PCDHA1: variants seen among roughly 807,000 people sequenced by gnomAD.
PCDHA1 encodes the protein protocadherin alpha 1.
PCDHA1 carries 42 observed loss-of-function variants against 61.3 expected under a neutral mutation model. The ratio of observed to expected loss-of-function variants is 0.69; its 90% CI spans 0.54 to 0.89. PCDHA1 has a LOEUF of 0.89. Among genes scored for constraint, PCDHA1 ranks in the 40% least tolerant of loss-of-function variants. The probability of loss-of-function intolerance (pLI) is 0.00; values close to 1 mark genes in which losing one functional copy is unlikely to be tolerated. For synonymous variants in PCDHA1, 610 were observed against 553.8 expected (o/e 1.10, Z -1.43); for missense variants, 1,256 against 1,235.3 (o/e 1.02, Z -0.25).
intron 1 of PCDHA1, chr5:140,968,853 A>G (rs782470050): frequency 3.7e-6 from 6 of 1,614,108 alleles, no homozygotes; most frequent in Non-Finnish European, 4.2e-6. Context: ...AGGCATGTTA[A>G]GAGCCCTCGG....
At position 140,836,068 on chromosome 5, in the gene PCDHA1, C is replaced by T. The variant is rs2150251885; in HGVS notation, c.2394+47384C>T. 8.1e-6 allele frequency: 13 copies of T among 1,613,540 alleles called. No individual in the cohort carries two copies. The highest frequency in any genetic ancestry group is 1.6e-4 in the Middle Eastern group (1 of 6,084). ...TTCGTGCTGGACGAGAACGACAACG[C>T]GCCGGCACTGCTGGCGCCTCGGGTG... On this transcript the variant is annotated intron_variant, in intron 1 of 3. Coordinates refer to ENST00000504120, the MANE Select transcript of PCDHA1 (RefSeq NM_018900.4).
At chr5:140,966,747 C>T (rs2096048243) in intron 1 of PCDHA1, 3 of 1,426,904 alleles carry the variant, frequency 2.1e-6, no homozygotes, top group Admixed American at 5.5e-5. Flanking sequence ...GCCCGGCTGC[C>T]TCCGCCGCGG....
rs781952003 is a variant in PCDHA1 at position 140,795,861 on chromosome 5, A to G, written c.2394+7177A>G. On this transcript the variant is annotated intron_variant, in intron 1 of 3. Coordinates refer to ENST00000504120, the MANE Select transcript of PCDHA1 (RefSeq NM_018900.4). ...CTAAGTTTACCATAGATCCCATCTC[A>G]GGGGAAATCAGAACTAAGGGAAAAT... 5.6e-6 allele frequency: 9 copies of G among 1,613,840 alleles called. No individual in the cohort carries two copies. The African/African-American group carries it at 1.2e-4, about 22-fold the overall frequency.
chr5:140,994,377 G>C (rs1260163825), intron 3 of PCDHA1, among the ~76,000 whole-genome samples: 3 of 152,098 alleles, frequency 2.0e-5, no homozygotes, highest in Non-Finnish European at 4.4e-5. Context: ...GGAAATTCAG[G>C]GGACTAAGTC....
intron 1 of PCDHA1, chr5:140,863,533 G>A: frequency 2.6e-6 from 1 of 389,860 alleles, no homozygotes; most frequent in Non-Finnish European, 5.0e-6. Flanking sequence ...TTCAGATTTT[G>A]GAGATGGACT....
At position 140,834,754 on chromosome 5, in the gene PCDHA1, A is replaced by G. The variant is rs2150225554; in HGVS notation, c.2394+46070A>G. 43 of 1,614,038 alleles carry G rather than the reference A, an allele frequency of 2.7e-5. 1 individual carries two copies. The South Asian group carries it at 3.7e-4, about 14-fold the overall frequency. Reference sequence around the variant, plus strand: ...GTTTTCCATGTGGACGTGGAGGTGAAGGACATTAACGACAACCCTCCGGTG... The same window carrying G: ...GTTTTCCATGTGGACGTGGAGGTGAGGGACATTAACGACAACCCTCCGGTG... On this transcript the variant is annotated intron_variant, in intron 1 of 3. Coordinates refer to ENST00000504120, the MANE Select transcript of PCDHA1 (RefSeq NM_018900.4).
chr5:140,927,209 A>G, intron 1 of PCDHA1: 2 of 1,614,092 alleles, frequency 1.2e-6, no homozygotes, highest in Non-Finnish European at 1.7e-6. Context: ...GACCCGCTGG[A>G]GCTGCACAAG....
intron 1 of PCDHA1, among the ~76,000 whole-genome samples, chr5:140,799,800 G>A (rs1462237906): frequency 6.6e-6 from 1 of 152,002 alleles, no homozygotes; most frequent in Non-Finnish European, 1.5e-5. Context: ...TCACATGTTT[G>A]ATTTCATTTT....
chr5:141,001,910 C>T (rs1365182561), intron 3 of PCDHA1, among the ~76,000 whole-genome samples: 1 of 152,196 alleles, frequency 6.6e-6, no homozygotes, highest in Non-Finnish European at 1.5e-5. Flanking sequence ...TTGAAAAAGA[C>T]TGCAGTGGCT....
intron 3 of PCDHA1, among the ~76,000 whole-genome samples, chr5:141,005,934 G>A (rs556608068): frequency 3.4e-4 from 52 of 151,912 alleles, no homozygotes; most frequent in Non-Finnish European, 7.2e-4. Context: ...TTGACAGAGT[G>A]AGAACCTATC....
intron 1 of PCDHA1, chr5:140,854,002 A>G: frequency 2.5e-6 from 1 of 395,852 alleles, no homozygotes; most frequent in Non-Finnish European, 3.5e-6. Flanking sequence ...ATCTCTGCCA[A>G]AAAAAAAAAA....
At chr5:140,805,259 G>A (rs1581671680) in intron 1 of PCDHA1, 3 of 1,289,660 alleles carry the variant, frequency 2.3e-6, no homozygotes, top group Non-Finnish European at 2.9e-6. Flanking sequence ...AAAATACCTG[G>A]TAAATGAAAA....
At chr5:140,941,381 A>G (rs2093056743) in intron 1 of PCDHA1, among the ~76,000 whole-genome samples, 1 of 128,140 alleles carries the variant, frequency 7.8e-6, no homozygotes, top group Non-Finnish European at 1.6e-5. Context: ...TAGTGACAGG[A>G]TTTTGGCTCA....
At chr5:140,856,980 A>G in intron 1 of PCDHA1, 1 of 1,594,908 alleles carries the variant, frequency 6.3e-7, no homozygotes, top group African/African-American at 1.3e-5. Context: ...GACTTTGAGG[A>G]CAGTAACACT....
At chr5:140,809,305 G>T in intron 1 of PCDHA1, 1 of 1,614,114 alleles carries the variant, frequency 6.2e-7, no homozygotes, top group Non-Finnish European at 8.5e-7. Context: ...CCATCTGCGC[G>T]GTGTCCAGCC....
intron 1 of PCDHA1, 27 bp downstream of exon 1, chr5:140,788,711 T>G (rs1197429018): frequency 3.3e-6 from 5 of 1,513,482 alleles, no homozygotes; most frequent in Non-Finnish European, 3.5e-6. Context: ...AGTTTTGGCT[T>G]TAAATATTTT....
At chr5:140,985,096 C>G (rs1486346952) in intron 3 of PCDHA1, among the ~76,000 whole-genome samples, 1 of 152,096 alleles carries the variant, frequency 6.6e-6, no homozygotes, top group Non-Finnish European at 1.5e-5. Context: ...TGCCACCAAG[C>G]CTGGCTAATT....
chr5:140,842,268 A>T, intron 1 of PCDHA1: 1 of 1,610,534 alleles, frequency 6.2e-7, no homozygotes, highest in Non-Finnish European at 8.5e-7. Context: ...GAAAACTTAT[A>T]CAAAATCCTC....
At chr5:140,823,616 C>T in intron 1 of PCDHA1, 1 of 1,614,036 alleles carries the variant, frequency 6.2e-7, no homozygotes. Flanking sequence ...CAGCCAGCGC[C>T]TGGCAGTGCG....
Sources: allele counts gnomAD v4.1 joint callset (sites outside exome capture counted in the v4.1 genomes callset), GRCh38; gene constraint gnomAD v4.1.1; transcripts MANE v1.5; gene names NCBI Gene and HGNC (gene_info 2026-07-23, HGNC 2026-07-21).